The following CHST9 variants were observed in gnomAD, a reference collection of about 807,000 sequenced individuals.
The protein encoded by CHST9 is GalNAc-4-sulfotransferase 2.
Under a neutral mutation model 44.4 loss-of-function variants are expected in CHST9, and 41 were observed. The ratio of observed to expected loss-of-function variants is 0.92; its 90% CI spans 0.72 to 1.20. The LOEUF (loss-of-function observed/expected upper bound fraction) is 1.20, where lower values mean the gene tolerates loss of function less well. Ranked by LOEUF, CHST9 falls within the 50% of genes most tolerant of loss-of-function variation. The pLI is 0.00. For synonymous variants in CHST9, 171 were observed against 178.4 expected, an observed-to-expected ratio of 0.96 and a Z score of 0.33; for missense variants, 504 against 516.5, an observed-to-expected ratio of 0.98 and a Z score of 0.23.
chr18:27,105,889 T>C (rs911667867), intron 2 of CHST9, among the ~76,000 whole-genome samples: 9 of 152,282 alleles, frequency 5.9e-5, no homozygotes, highest in African/African-American at 2.2e-4. Context: ...GTAATAAGGA[T>C]GAAGTATCCT....
At chr18:27,002,934 A>G (rs2056970641) in intron 4 of CHST9, among the ~76,000 whole-genome samples, 1 of 152,222 alleles carries the variant, frequency 6.6e-6, no homozygotes, top group Non-Finnish European at 1.5e-5. Flanking sequence ...TCTTTTACTA[A>G]GTTAAAAAAC....
At chr18:27,179,197 A>T (rs1279258594) in intron 1 of CHST9, among the ~76,000 whole-genome samples, 1 of 151,902 alleles carries the variant, frequency 6.6e-6, no homozygotes, top group Non-Finnish European at 1.5e-5. Flanking sequence ...CCCAGCATGT[A>T]CTTCAGTTTG....
intron 4 of CHST9, among the ~76,000 whole-genome samples, chr18:26,981,037 T>C (rs1490237601): frequency 1.3e-5 from 2 of 152,234 alleles, no homozygotes; most frequent in African/African-American, 4.8e-5. Flanking sequence ...TCTGTGATGT[T>C]GATGGAGCCA....
intron 4 of CHST9, among the ~76,000 whole-genome samples, chr18:26,986,816 A>G (rs751670617): frequency 6.6e-6 from 1 of 152,234 alleles, no homozygotes; most frequent in Non-Finnish European, 1.5e-5. Flanking sequence ...GTCAATCTAG[A>G]GTTTTATATC....
At chr18:27,050,146 G>A (rs1466009905) in intron 2 of CHST9, among the ~76,000 whole-genome samples, 1 of 152,180 alleles carries the variant, frequency 6.6e-6, no homozygotes, top group Non-Finnish European at 1.5e-5. Context: ...GGAAGTAAGT[G>A]TGTGATGAGA....
intron 5 of CHST9, among the ~76,000 whole-genome samples, chr18:26,932,071 C>T (rs2055888537): frequency 6.6e-6 from 1 of 152,132 alleles, no homozygotes; most frequent in Non-Finnish European, 1.5e-5. Flanking sequence ...GTGCCGGAGT[C>T]AACTCTAGTT....
chr18:26,969,380 G>A (rs759853837), intron 4 of CHST9, among the ~76,000 whole-genome samples: 1 of 65,428 alleles, frequency 1.5e-5, no homozygotes, highest in Admixed American at 2.0e-4. Context: ...CTCTCTCTGT[G>A]TGTGTGTGTG....
intron 4 of CHST9, among the ~76,000 whole-genome samples, chr18:26,969,367 TC>T (rs2145166265): frequency 1.1e-5 from 1 of 87,060 alleles, no homozygotes; most frequent in African/African-American, 5.1e-5. Context: ...TGATTCTCTC[TC>T]TCTCTCTCTG....
intron 2 of CHST9, among the ~76,000 whole-genome samples, chr18:27,069,258 C>G (rs1342774735): frequency 6.6e-6 from 1 of 152,016 alleles, no homozygotes; most frequent in Non-Finnish European, 1.5e-5. Flanking sequence ...TCTTATCATC[C>G]TATAATAAAG....
chr18:27,143,570 C>T (rs1168103606), intron 1 of CHST9, among the ~76,000 whole-genome samples: 2 of 151,006 alleles, frequency 1.3e-5, no homozygotes. Context: ...AGAACAATCT[C>T]GTTTAATATA....
chr18:27,169,962 A>G (rs2058821890), intron 1 of CHST9, among the ~76,000 whole-genome samples: 1 of 152,112 alleles, frequency 6.6e-6, no homozygotes, highest in African/African-American at 2.4e-5. Flanking sequence ...AGCAACATAT[A>G]TCAGCAGTAT....
intron 1 of CHST9, among the ~76,000 whole-genome samples, chr18:27,156,844 A>C (rs1299435832): frequency 6.6e-6 from 1 of 152,154 alleles, no homozygotes; most frequent in African/African-American, 2.4e-5. Context: ...TTAAGGCTAC[A>C]TCTATGCAAC....
intron 2 of CHST9, among the ~76,000 whole-genome samples, chr18:27,054,206 T>C (rs140021403): frequency 4.1e-4 from 63 of 152,330 alleles, no homozygotes; most frequent in African/African-American, 1.5e-3. Flanking sequence ...ATAGAGCTTT[T>C]AGCAGGTATG....
At chr18:27,137,252 TATTG>T (rs1426619691) in intron 2 of CHST9, among the ~76,000 whole-genome samples, 1 of 151,158 alleles carries the variant, frequency 6.6e-6, no homozygotes, top group Admixed American at 6.6e-5. Flanking sequence ...TAATTGATTA[TATTG>T]ATTTATATGC....
chr18:26,921,386 A>G (rs16942954), intron 5 of CHST9, among the ~76,000 whole-genome samples: 5,928 of 152,232 alleles, frequency 0.039, 391 homozygotes, highest in African/African-American at 0.13. Flanking sequence ...AGTGCTAGTA[A>G]GTTTCCTCTA....
At chr18:27,132,917 CA>C (rs1251748897) in intron 2 of CHST9, among the ~76,000 whole-genome samples, 1 of 152,162 alleles carries the variant, frequency 6.6e-6, no homozygotes, top group Admixed American at 6.5e-5. Flanking sequence ...CTAGAATCTT[CA>C]GCTGCTCTGG....
At chr18:26,976,272 A>T (rs533730552) in intron 4 of CHST9, among the ~76,000 whole-genome samples, 67 of 152,172 alleles carry the variant, frequency 4.4e-4, no homozygotes, top group African/African-American at 1.6e-3. Context: ...TCCCTGAGGA[A>T]TCTGATATGA....
intron 4 of CHST9, among the ~76,000 whole-genome samples, chr18:26,955,130 CT>C (rs2056303793): frequency 6.6e-6 from 1 of 151,814 alleles, no homozygotes; most frequent in South Asian, 2.1e-4. Context: ...ATATCAAATG[CT>C]TTGTTTGTGA....
chr18:27,135,932 T>A (rs2143849321), intron 2 of CHST9, among the ~76,000 whole-genome samples: 1 of 152,348 alleles, frequency 6.6e-6, no homozygotes, highest in Non-Finnish European at 1.5e-5. Context: ...TTGCTTCTGC[T>A]GCTTTCCACA....
Sources: allele counts gnomAD v4.1 joint callset (sites outside exome capture counted in the v4.1 genomes callset), GRCh38; gene constraint gnomAD v4.1.1; transcripts MANE v1.5; gene names NCBI Gene and HGNC (gene_info 2026-07-23, HGNC 2026-07-21).